Variants in CDH13 observed in about 807,000 individuals in gnomAD.
CDH13 encodes cadherin-13.
A neutral mutation model predicts 63.8 loss-of-function variants in CDH13; 24 were observed. The ratio of observed to expected loss-of-function variants is 0.38; its 90% CI spans 0.27 to 0.53. CDH13 has a LOEUF of 0.53. Among genes scored for constraint, CDH13 ranks in the 20% least tolerant of loss-of-function variants. The pLI, the probability that CDH13 is intolerant of heterozygous loss-of-function variation, is 0.85. For missense variants in CDH13, 1,049 were observed against 903.1 expected, an observed-to-expected ratio of 1.16 and a Z score of -2.07; for synonymous variants, 503 against 355.3, an observed-to-expected ratio of 1.42 and a Z score of -4.67.
At chr16:83,257,574 C>T (rs779749365) in intron 5 of CDH13, among the ~76,000 whole-genome samples, 2 of 152,208 alleles carry the variant, frequency 1.3e-5, no homozygotes, top group Non-Finnish European at 2.9e-5. Flanking sequence ...AGTGAGGCTG[C>T]ACACCAGCAG....
intron 5 of CDH13, among the ~76,000 whole-genome samples, chr16:83,221,004 C>A (rs894231064): frequency 6.6e-6 from 1 of 152,218 alleles, no homozygotes; most frequent in Non-Finnish European, 1.5e-5. Context: ...TAGGTGTTAA[C>A]ACCATTTCAC....
At chr16:82,754,483 A>G (rs2034539051) in intron 1 of CDH13, among the ~76,000 whole-genome samples, 1 of 152,130 alleles carries the variant, frequency 6.6e-6, no homozygotes, top group South Asian at 2.1e-4. Flanking sequence ...ATTTTCTAGA[A>G]AAGGGGTCAC....
intron 4 of CDH13, among the ~76,000 whole-genome samples, chr16:83,191,528 C>CATAT (rs1479803621): frequency 2.8e-3 from 199 of 70,056 alleles, no homozygotes; most frequent in African/African-American, 0.011. Flanking sequence ...CACACACACA[C>CATAT]ACATATATAT....
intron 1 of CDH13, among the ~76,000 whole-genome samples, chr16:82,659,320 C>A (rs574694840): frequency 6.6e-6 from 1 of 152,268 alleles, no homozygotes; most frequent in African/African-American, 2.4e-5. Flanking sequence ...CTCATAAGCA[C>A]ACATGAATAG....
chr16:83,069,227 G>T (rs1414337325), intron 3 of CDH13, among the ~76,000 whole-genome samples: 1 of 152,148 alleles, frequency 6.6e-6, no homozygotes, highest in African/African-American at 2.4e-5. Context: ...TCATTCAGAT[G>T]AGGCCACCCT....
At chr16:82,823,981 C>G (rs555124311) in intron 1 of CDH13, 1 of 152,188 alleles carries the variant, frequency 6.6e-6, no homozygotes, top group Middle Eastern at 3.4e-3. Flanking sequence ...TGATCATTTT[C>G]TAGCAAAAGA....
intron 2 of CDH13, among the ~76,000 whole-genome samples, chr16:82,862,345 C>G (rs149744644): frequency 6.6e-6 from 1 of 152,196 alleles, no homozygotes; most frequent in African/African-American, 2.4e-5. Context: ...ATCTGACTAT[C>G]CTATGTTCTG....
intron 8 of CDH13, among the ~76,000 whole-genome samples, chr16:83,624,548 C>T (rs1458051340): frequency 1.3e-5 from 2 of 152,194 alleles, no homozygotes; most frequent in East Asian, 1.9e-4. Flanking sequence ...ATAAGGTTTC[C>T]GTTCCTATGA....
intron 2 of CDH13, among the ~76,000 whole-genome samples, chr16:83,000,671 C>T (rs927977138): frequency 2.6e-5 from 4 of 151,002 alleles, no homozygotes; most frequent in African/African-American, 9.8e-5. Context: ...GCTCCGCCTC[C>T]TGGGTTCACG....
At chr16:83,673,465 T>C (rs951209189) in intron 9 of CDH13, among the ~76,000 whole-genome samples, 3 of 152,084 alleles carry the variant, frequency 2.0e-5, no homozygotes, top group African/African-American at 7.2e-5. Context: ...TTCAGACCCA[T>C]AACATTAAGA....
At chr16:83,486,399 T>G in intron 6 of CDH13, 78 bp from the exon 7 acceptor site, 1 of 1,256,966 alleles carries the variant, frequency 8.0e-7, no homozygotes, top group Non-Finnish European at 1.1e-6. Flanking sequence ...GCACTGCTAT[T>G]GCCCAGGTGG....
At chr16:83,030,129 C>T (rs971844706) in intron 2 of CDH13, among the ~76,000 whole-genome samples, 3 of 152,166 alleles carry the variant, frequency 2.0e-5, no homozygotes, top group Non-Finnish European at 4.4e-5. Flanking sequence ...GGGGGCCCAT[C>T]TTCCCTATTC....
chr16:82,698,471 G>T (rs1294854301), intron 1 of CDH13, among the ~76,000 whole-genome samples: 2 of 152,212 alleles, frequency 1.3e-5, no homozygotes, highest in South Asian at 2.1e-4. Context: ...ATGCATATGG[G>T]CTCAGCCATC....
chr16:83,485,331 C>T (rs886491586), intron 6 of CDH13, among the ~76,000 whole-genome samples: 2 of 152,166 alleles, frequency 1.3e-5, no homozygotes, highest in African/African-American at 4.8e-5. Flanking sequence ...ATGGATATAC[C>T]AGTTTCCCTT....
chr16:83,130,016 A>C (rs2035980775), intron 4 of CDH13, among the ~76,000 whole-genome samples: 1 of 152,216 alleles, frequency 6.6e-6, no homozygotes, highest in South Asian at 2.1e-4. Context: ...AAAACCTCTG[A>C]AATTCAACCT....
intron 3 of CDH13, among the ~76,000 whole-genome samples, chr16:83,116,818 G>A (rs1255655938): frequency 3.3e-5 from 5 of 152,136 alleles, no homozygotes; most frequent in Non-Finnish European, 7.3e-5. Flanking sequence ...GGCGAGAGGG[G>A]CTCCAGCCAG....
chr16:83,554,050 T>C (rs111963680), intron 7 of CDH13, among the ~76,000 whole-genome samples: 3,440 of 152,276 alleles, frequency 0.023, 146 homozygotes, highest in African/African-American at 0.079. Context: ...AGGAATGGAA[T>C]TACTAGGTCA....
At chr16:82,942,206 G>T (rs569125027) in intron 2 of CDH13, among the ~76,000 whole-genome samples, 1 of 152,128 alleles carries the variant, frequency 6.6e-6, no homozygotes, top group African/African-American at 2.4e-5. Flanking sequence ...AGTTAATTTT[G>T]TGTATGGTGT....
chr16:83,581,753 A>T (rs1407515613), intron 7 of CDH13, among the ~76,000 whole-genome samples: 1 of 152,220 alleles, frequency 6.6e-6, no homozygotes, highest in Non-Finnish European at 1.5e-5. Flanking sequence ...CAGGAGTTCA[A>T]GGCTGCAATG....
Sources: allele counts gnomAD v4.1 joint callset (sites outside exome capture counted in the v4.1 genomes callset), GRCh38; gene constraint gnomAD v4.1.1; transcripts MANE v1.5; gene names NCBI Gene and HGNC (gene_info 2026-07-23, HGNC 2026-07-21).